Variants in AKAP6 observed in about 807,000 individuals in gnomAD.
AKAP6 encodes A-kinase anchor protein 6.
A neutral mutation model predicts 188.5 loss-of-function variants in AKAP6; 58 were observed. The ratio of observed to expected loss-of-function variants is 0.31; its 90% CI spans 0.25 to 0.38. The LOEUF is 0.38. AKAP6 is among the 10% of genes least tolerant of loss of function. The pLI is 1.00. For synonymous variants in AKAP6, 989 were observed against 998.6 expected, an observed-to-expected ratio of 0.99 and a Z score of 0.18; for missense variants, 2,710 against 2,740.0, an observed-to-expected ratio of 0.99 and a Z score of 0.24.
chr14:32,544,068 A>G (rs950464023), intron 3 of AKAP6, among the ~76,000 whole-genome samples: 1 of 152,210 alleles, frequency 6.6e-6, no homozygotes, highest in African/African-American at 2.4e-5. Context: ...ACAAATGAGC[A>G]GTAAAACCAG....
At chr14:32,396,122 G>A (rs553045133) in intron 1 of AKAP6, among the ~76,000 whole-genome samples, 1 of 152,238 alleles carries the variant, frequency 6.6e-6, no homozygotes, top group African/African-American at 2.4e-5. Flanking sequence ...TTCAGGGTGG[G>A]AGAAGAGGGA....
intron 7 of AKAP6, among the ~76,000 whole-genome samples, chr14:32,608,946 T>TAA (rs34696308): frequency 6.6e-5 from 10 of 151,914 alleles, no homozygotes; most frequent in African/African-American, 2.2e-4. Flanking sequence ...GAATTGCTTC[T>TAA]AAAAAACACT....
intron 2 of AKAP6, among the ~76,000 whole-genome samples, chr14:32,444,486 G>T (rs534405256): frequency 6.6e-6 from 1 of 152,266 alleles, no homozygotes; most frequent in East Asian, 1.9e-4. Flanking sequence ...TTAACAATGT[G>T]GCTGTTATCA....
chr14:32,718,991 C>T (rs1413592021), intron 9 of AKAP6, among the ~76,000 whole-genome samples: 1 of 152,156 alleles, frequency 6.6e-6, no homozygotes, highest in Non-Finnish European at 1.5e-5. Flanking sequence ...TGAAACCATA[C>T]TTATCCTCAT....
chr14:32,406,725 A>G (rs111245035), intron 1 of AKAP6, among the ~76,000 whole-genome samples: 2,742 of 152,232 alleles, frequency 0.018, 80 homozygotes, highest in African/African-American at 0.061. Flanking sequence ...AGTAGAAAAG[A>G]AAGAGAGTGA....
At chr14:32,348,560 G>A (rs1442711178) in intron 1 of AKAP6, among the ~76,000 whole-genome samples, 6 of 151,790 alleles carry the variant, frequency 4.0e-5, no homozygotes, top group African/African-American at 4.8e-5. Flanking sequence ...GATTACAGGC[G>A]TGCTCCACCA....
intron 9 of AKAP6, among the ~76,000 whole-genome samples, chr14:32,725,012 A>AAAAAAAAC (rs1423649124): frequency 5.3e-5 from 8 of 150,184 alleles, no homozygotes; most frequent in Admixed American, 4.7e-4. Flanking sequence ...AAAAAAAAAA[A>AAAAAAAAC]AAAAACAATT....
rs145516811 is a variant in AKAP6, at chr14:32,545,941, G to T, written c.1288G>T (p.Asp430Tyr). Residue 430 changes from aspartate to tyrosine, a missense_variant, in exon 4 of 14, where the codon GAT becomes TAT. Asp to Tyr is a radical substitution (Grantham distance 160). This residue lies in a region of AKAP6 where 2,473 missense variants were observed against 2,426.1 expected (regional missense o/e 1.02). Transcript: ENST00000280979. ...GAGCAGAAGCACCCCTTCGCTAGTAGATCCTCCTGACAGATCCAAACTTTG... is the reference window on the plus strand; with the variant it reads ...GAGCAGAAGCACCCCTTCGCTAGTATATCCTCCTGACAGATCCAAACTTTG... ...EMSRSTPSLVDPPDRSKLCLV... is the reference protein window; with the variant it reads ...EMSRSTPSLVYPPDRSKLCLV... 3.8e-5 allele frequency: 62 copies of T among 1,614,078 alleles called. 1 individual carries two copies. The highest frequency in any genetic ancestry group is 2.9e-4 in the African/African-American group (22 of 74,928).
intron 1 of AKAP6, among the ~76,000 whole-genome samples, chr14:32,370,886 G>A (rs1344986879): frequency 6.6e-6 from 1 of 152,180 alleles, no homozygotes. Flanking sequence ...CTTTCCTTGT[G>A]TAAGAGGAAG....
intron 2 of AKAP6, among the ~76,000 whole-genome samples, chr14:32,439,642 C>T (rs1361148893): frequency 6.6e-6 from 1 of 152,214 alleles, no homozygotes. Flanking sequence ...AAGGTGACAA[C>T]TGTGGTGTCT....
intron 1 of AKAP6, among the ~76,000 whole-genome samples, chr14:32,378,693 A>T (rs1161954082): frequency 6.6e-6 from 1 of 152,230 alleles, no homozygotes; most frequent in Non-Finnish European, 1.5e-5. Context: ...AAAGCTATTA[A>T]GATGACCAAA....
intron 1 of AKAP6, among the ~76,000 whole-genome samples, chr14:32,416,472 T>C (rs1889660804): frequency 6.6e-6 from 1 of 152,222 alleles, no homozygotes. Context: ...TTTCCCATTC[T>C]ACAGGCTGTC....
intron 11 of AKAP6, among the ~76,000 whole-genome samples, chr14:32,751,875 T>C (rs1156756660): frequency 6.6e-6 from 1 of 151,700 alleles, no homozygotes; most frequent in East Asian, 1.9e-4. Flanking sequence ...TACCAACTTA[T>C]CTCAGTGCCA....
chr14:32,428,237 C>G (rs114923956), intron 1 of AKAP6, among the ~76,000 whole-genome samples: 127 of 152,236 alleles, frequency 8.3e-4, no homozygotes, highest in African/African-American at 2.9e-3. Context: ...AGACTCTTTT[C>G]CATAGTGATC....
Position 32,823,953 on chromosome 14 carries a change from A to T in AKAP6, c.6140A>T (p.His2047Leu). Residue 2047 changes from histidine to leucine, a missense_variant, in exon 13 of 14, where the codon CAT becomes CTT. Transcript: ENST00000280979. ...TGCAACTGTGAGCCAGATGTTTTCC[A>T]TCAAAAAGATGCCGAAGATTGTTCA... Reference protein sequence around the residue: ...SCCNCEPDVFHQKDAEDCSVH... With the variant: ...SCCNCEPDVFLQKDAEDCSVH... 1 of 1,613,980 alleles carries T rather than the reference A, an allele frequency of 6.2e-7. No homozygotes were observed. Among genetic ancestry groups the T allele is most frequent in the African/African-American group, 1.3e-5 (1 of 75,036 alleles).
At chr14:32,666,437 A>G (rs999271603) in intron 7 of AKAP6, among the ~76,000 whole-genome samples, 5 of 152,106 alleles carry the variant, frequency 3.3e-5, no homozygotes, top group African/African-American at 7.2e-5. Flanking sequence ...TTTTAGATAT[A>G]GGATCATTTC....
chr14:32,786,304 T>TTTTTTTTTGTTTTG (rs2033410447), intron 12 of AKAP6, among the ~76,000 whole-genome samples: 1 of 74,802 alleles, frequency 1.3e-5, no homozygotes, highest in African/African-American at 5.0e-5. Flanking sequence ...TTATCTTTTT[T>TTTTTTTTTGTTTTG]TTTTTTTTTT....
At chr14:32,751,985 C>T (rs551397210) in intron 11 of AKAP6, among the ~76,000 whole-genome samples, 1 of 152,096 alleles carries the variant, frequency 6.6e-6, no homozygotes, top group Admixed American at 6.5e-5. Context: ...AAATTGGGCC[C>T]TCATTTGAAC....
Position 32,494,858 on chromosome 14 carries a change from G to A in AKAP6, c.325-40696G>A, listed in dbSNP as rs117032305. Among the ~76,000 whole-genome samples the A allele has an allele frequency of 5.1e-3, 778 of 152,196 alleles. 3 individuals carry two copies. The highest frequency in any genetic ancestry group is 0.024 in the East Asian group (122 of 5,172). ...TAGGTGTATAACTTCAGTGTTTCCC[G>A]TCAGCTAAAGTAAACTACACCCCAT... On this transcript the variant is annotated intron_variant, in intron 2 of 13. Transcript: ENST00000280979.
Sources: gnomAD v4.1 joint callset for allele counts (sites outside exome capture counted in the v4.1 genomes callset) on GRCh38, gnomAD v4.1.1 for gene constraint, gnomAD v4.1.1 regional missense constraint, MANE v1.5 for transcripts, NCBI Gene and HGNC (gene_info 2026-07-23, HGNC 2026-07-21) for gene names.